KIF6: variants seen among roughly 807,000 people sequenced by gnomAD.
KIF6 encodes the protein kinesin-like protein KIF6.
Under a neutral mutation model 112.7 loss-of-function variants are expected in KIF6, and 106 were observed. The ratio of observed to expected loss-of-function variants is 0.94; its 90% CI spans 0.80 to 1.11. KIF6 has a LOEUF of 1.11. Among genes scored for constraint, KIF6 ranks in the 50% least tolerant of loss-of-function variants. The pLI, the probability that KIF6 is intolerant of heterozygous loss-of-function variation, is 0.00. For missense variants in KIF6, 929 were observed against 964.0 expected, an observed-to-expected ratio of 0.96 and a Z score of 0.48; for synonymous variants, 339 against 339.9, an observed-to-expected ratio of 1.00 and a Z score of 0.03.
intron 22 of KIF6, among the ~76,000 whole-genome samples, chr6:39,339,215 A>C (rs1763191795): frequency 6.6e-6 from 1 of 152,182 alleles, no homozygotes; most frequent in Non-Finnish European, 1.5e-5. Flanking sequence ...AGCTCTCACC[A>C]CAGAGGCCAC....
intron 13 of KIF6, among the ~76,000 whole-genome samples, chr6:39,465,440 T>C (rs1035359916): frequency 6.6e-6 from 1 of 152,204 alleles, no homozygotes; most frequent in African/African-American, 2.4e-5. Flanking sequence ...ATTTAATTGG[T>C]CACACAGACC....
chr6:39,533,903 T>C (rs889342640), intron 13 of KIF6, among the ~76,000 whole-genome samples: 8 of 152,158 alleles, frequency 5.3e-5, no homozygotes, highest in Non-Finnish European at 1.2e-4. Context: ...TTGCGGTTCA[T>C]GAAAATCTGC....
At chr6:39,411,174 G>C (rs538454829) in intron 15 of KIF6, among the ~76,000 whole-genome samples, 3 of 152,196 alleles carry the variant, frequency 2.0e-5, no homozygotes, top group Non-Finnish European at 4.4e-5. Context: ...ATGAGGAAGT[G>C]GGACTATGGT....
rs1762733387 is a variant in KIF6, at chr6:39,331,475, C to T, written c.*5057G>A. On this transcript the variant is annotated 3_prime_UTR_variant, in exon 23 of 23. Coordinates refer to ENST00000287152, the MANE Select transcript of KIF6 (RefSeq NM_145027.6). ...TCTCAGCTCACTGCAAACTCTGCCT[C>T]CAGGGTTCAAGTGATTGTCCTGCCT... 6.6e-6 allele frequency: 1 copy of T among 152,044 alleles called. No homozygotes were observed. Among genetic ancestry groups the T allele is most frequent in the Non-Finnish European group, 1.5e-5 (1 of 68,048 alleles). The allele number at this position is 152,044 out of a possible 1,614,324, so 9.4% of individuals were successfully genotyped here. A position where few individuals can be genotyped will look rare whatever the true frequency, so the allele number is the denominator to read the frequency against.
intron 3 of KIF6, among the ~76,000 whole-genome samples, chr6:39,688,898 T>C (rs1446512940): frequency 3.9e-5 from 6 of 152,320 alleles, no homozygotes; most frequent in Admixed American, 2.6e-4. Flanking sequence ...AGAAATATAA[T>C]GTAAATCCAG....
At position 39,370,615 on chromosome 6, in the gene KIF6, ACACT is replaced by A. The variant is rs1252253034; in HGVS notation, c.1862-8101_1862-8098del. On this transcript the variant is annotated intron_variant, in intron 16 of 22. Transcript: ENST00000287152. ...GGCGAGAGCTGGCTAGACAACCCAA[ACACT>A]CACATCAGCATTTGAAAAGGGCCAA... Among the ~76,000 whole-genome samples the A allele has an allele frequency of 3.3e-5, 5 of 152,204 alleles. No individual in the cohort carries two copies. In the East Asian group the frequency reaches 9.6e-4, roughly 29 times the overall value.
At chr6:39,664,641 A>T (rs1479335178) in intron 3 of KIF6, among the ~76,000 whole-genome samples, 1 of 152,202 alleles carries the variant, frequency 6.6e-6, no homozygotes, top group Non-Finnish European at 1.5e-5. Flanking sequence ...AAAATAGCTA[A>T]GACATATATA....
intron 5 of KIF6, among the ~76,000 whole-genome samples, chr6:39,614,132 C>T (rs1783367537): frequency 1.3e-5 from 2 of 152,160 alleles, no homozygotes. Context: ...TGCAGTGGAA[C>T]AAAATTTGGC....
At chr6:39,364,791 T>C (rs2146258) in intron 16 of KIF6, among the ~76,000 whole-genome samples, 97,496 of 152,002 alleles carry the variant, frequency 0.64, 31,503 homozygotes, top group Non-Finnish European at 0.66. Context: ...CATGGATAAC[T>C]CAAGGTTACA....
At chr6:39,542,817 A>G (rs1347093771) in intron 12 of KIF6, among the ~76,000 whole-genome samples, 1 of 152,226 alleles carries the variant, frequency 6.6e-6, no homozygotes, top group African/African-American at 2.4e-5. Context: ...AGTAGAAAGC[A>G]ATGTCACTGA....
chr6:39,464,284 G>A (rs1375377716), intron 13 of KIF6, among the ~76,000 whole-genome samples: 1 of 152,192 alleles, frequency 6.6e-6, no homozygotes, highest in Non-Finnish European at 1.5e-5. Flanking sequence ...CAGGCATTTG[G>A]AGACCATCTG....
chr6:39,500,728 C>T (rs1464342170), intron 13 of KIF6, among the ~76,000 whole-genome samples: 3 of 152,012 alleles, frequency 2.0e-5, no homozygotes, highest in South Asian at 2.1e-4. Context: ...CACATGCCAT[C>T]GTTGTTATCA....
intron 3 of KIF6, among the ~76,000 whole-genome samples, chr6:39,702,003 T>C (rs1173777956): frequency 2.0e-5 from 3 of 152,216 alleles, no homozygotes; most frequent in Non-Finnish European, 4.4e-5. Flanking sequence ...ATGCTTCTGA[T>C]ATAATGAATA....
At chr6:39,612,102 A>G (rs9471136) in intron 6 of KIF6, among the ~76,000 whole-genome samples, 26,330 of 152,156 alleles carry the variant, frequency 0.17, 2,525 homozygotes, top group Admixed American at 0.27. Context: ...TAAGGGCCCA[A>G]AATAATAACA....
chr6:39,552,033 C>T (rs972316160), intron 10 of KIF6, among the ~76,000 whole-genome samples: 6 of 152,210 alleles, frequency 3.9e-5, no homozygotes, highest in African/African-American at 1.4e-4. Flanking sequence ...TCAGAATCTA[C>T]ATTTAACAAC....
chr6:39,618,937 T>C (rs999033773), intron 5 of KIF6, among the ~76,000 whole-genome samples: 9 of 152,216 alleles, frequency 5.9e-5, no homozygotes, highest in African/African-American at 2.2e-4. Flanking sequence ...AATTCCTGTC[T>C]TTCTGAAATG....
chr6:39,533,401 G>A (rs9369124), intron 13 of KIF6, among the ~76,000 whole-genome samples: 6,397 of 152,252 alleles, frequency 0.042, 271 homozygotes, highest in East Asian at 0.24. Flanking sequence ...ACAGAGTCTC[G>A]CTGATTGCTA....
At chr6:39,548,356 A>G (rs535546880) in intron 10 of KIF6, among the ~76,000 whole-genome samples, 3 of 152,326 alleles carry the variant, frequency 2.0e-5, no homozygotes, top group African/African-American at 7.2e-5. Context: ...ACTGTAGAAT[A>G]CAAGGAGGAC....
intron 13 of KIF6, among the ~76,000 whole-genome samples, chr6:39,512,515 C>T (rs1186822344): frequency 6.6e-6 from 1 of 152,208 alleles, no homozygotes; most frequent in African/African-American, 2.4e-5. Context: ...TGAGGCTAGT[C>T]TTGCTCCTCC....
Sources: gnomAD v4.1 joint callset for allele counts (sites outside exome capture counted in the v4.1 genomes callset) on GRCh38, gnomAD v4.1.1 for gene constraint, MANE v1.5 for transcripts, NCBI Gene and HGNC (gene_info 2026-07-23, HGNC 2026-07-21) for gene names.